EIF4E3: variants seen among roughly 807,000 people sequenced by gnomAD.
EIF4E3 encodes the protein eukaryotic translation initiation factor 4E family member 3.
In EIF4E3, 26 loss-of-function variants were observed where a neutral mutation model predicts 31.7. The ratio of observed to expected loss-of-function variants is 0.82; its 90% CI spans 0.60 to 1.14. The LOEUF (loss-of-function observed/expected upper bound fraction) is 1.14. Ranked by LOEUF, EIF4E3 falls within the 50% of genes most tolerant of loss-of-function variation. The pLI is 0.00. For missense variants in EIF4E3, 304 were observed against 270.9 expected, an observed-to-expected ratio of 1.12 and a Z score of -0.86; for synonymous variants, 128 against 107.7, an observed-to-expected ratio of 1.19 and a Z score of -1.17.
At chr3:71,726,953 C>A (rs1187831446), upstream of EIF4E3, among the ~76,000 whole-genome samples, 1 of 152,198 alleles carries the variant, frequency 6.6e-6, no homozygotes, top group Admixed American at 6.5e-5. Flanking sequence ...CCCGTAATAA[C>A]TCATTTAATC....
chr3:71,686,968 T>C (rs1318204666), intron 6 of EIF4E3, among the ~76,000 whole-genome samples: 2 of 152,216 alleles, frequency 1.3e-5, no homozygotes, highest in Non-Finnish European at 1.5e-5. Context: ...TTTGTCTTTA[T>C]GACCATATGG....
intron 3 of EIF4E3, 55 bp from the exon 4 acceptor site, chr3:71,696,575 C>T: frequency 6.3e-7 from 1 of 1,589,504 alleles, no homozygotes; most frequent in Non-Finnish European, 8.6e-7. Context: ...ATTCTACATA[C>T]AGTTAGATTA....
rs566230915 is a variant in EIF4E3 at position 71,682,395 on chromosome 3, C to G, written c.*2287G>C. 1 of 152,168 alleles carries G rather than the reference C, an allele frequency of 6.6e-6. No homozygotes were observed. The highest frequency in any genetic ancestry group is 2.4e-5 in the African/African-American group (1 of 41,436). 9.4% of individuals were successfully genotyped at this position (152,168 alleles called of 1,614,324 possible). On this transcript the variant is annotated 3_prime_UTR_variant, in exon 7 of 7. Coordinates refer to ENST00000425534, the MANE Select transcript of EIF4E3 (RefSeq NM_001134651.2). Reference sequence around the variant, plus strand: ...TGCCTTAACACAAAAGTCACATGCCCCACAAAATATTTCCTTCTATCTCAA... The same window carrying G: ...TGCCTTAACACAAAAGTCACATGCCGCACAAAATATTTCCTTCTATCTCAA...
intron 1 of EIF4E3, among the ~76,000 whole-genome samples, chr3:71,739,249 A>G (rs1372344586): frequency 2.0e-5 from 3 of 151,674 alleles, no homozygotes; most frequent in African/African-American, 7.3e-5. Flanking sequence ...AGAGAAAAAT[A>G]AAGAGCAGAA....
chr3:71,706,511 GGAGT>G (rs1229236065), intron 2 of EIF4E3, among the ~76,000 whole-genome samples: 3 of 152,090 alleles, frequency 2.0e-5, no homozygotes, highest in Non-Finnish European at 4.4e-5. Context: ...TAGTGCTAAT[GGAGT>G]GAGAGTAAAA....
intron 1 of EIF4E3, among the ~76,000 whole-genome samples, chr3:71,736,899 A>G (rs9822586): frequency 0.69 from 104,712 of 152,088 alleles, 37,151 homozygotes; most frequent in East Asian, 1. Flanking sequence ...CTATGCATAA[A>G]TGAGGATAGG....
chr3:71,712,410 TTTAA>T (rs562603589), intron 1 of EIF4E3, among the ~76,000 whole-genome samples: 18 of 152,274 alleles, frequency 1.2e-4, no homozygotes, highest in Admixed American at 7.8e-4. Context: ...CTTTTTCAGC[TTTAA>T]TTATTTTTTA....
At chr3:71,721,420 C>T (rs2049547151) in intron 1 of EIF4E3, among the ~76,000 whole-genome samples, 1 of 152,094 alleles carries the variant, frequency 6.6e-6, no homozygotes, top group Non-Finnish European at 1.5e-5. Context: ...TGTCAGGATG[C>T]TTGCGCCATT....
At chr3:71,693,059 T>A (rs1184490332) in intron 5 of EIF4E3, among the ~76,000 whole-genome samples, 1 of 152,184 alleles carries the variant, frequency 6.6e-6, no homozygotes, top group African/African-American at 2.4e-5. Context: ...GGACAACTGA[T>A]CATTGTCATT....
chr3:71,663,489 G>A, the EIF4E3 span, among the ~76,000 whole-genome samples: 1 of 152,116 alleles, frequency 6.6e-6, no homozygotes, highest in African/African-American at 2.4e-5. Flanking sequence ...CCATGCAGTC[G>A]GCAAAATGAT....
At chr3:71,710,233 T>TA (rs911228746) in intron 2 of EIF4E3, among the ~76,000 whole-genome samples, 179 bp downstream of exon 2, 8 of 152,312 alleles carry the variant, frequency 5.3e-5, no homozygotes, top group African/African-American at 1.9e-4. Context: ...CCTGACTGTG[T>TA]GCTCAGCTGG....
chr3:71,754,725 G>C, upstream of EIF4E3: 1 of 1,469,914 alleles, frequency 6.8e-7, no homozygotes, highest in Non-Finnish European at 9.0e-7. This position sits in a 1 kb window ranked among gnomAD's most constrained non-coding sequence, Gnocchi z 5.8. Flanking sequence ...CGTCAGCCAC[G>C]ACTGGACCTT....
At chr3:71,713,801 T>C (rs904567413) in intron 1 of EIF4E3, among the ~76,000 whole-genome samples, 2 of 152,106 alleles carry the variant, frequency 1.3e-5, no homozygotes, top group South Asian at 2.1e-4. Context: ...AATATTAAAA[T>C]AGTCTTTCCA....
At chr3:71,720,585 CTG>C (rs2049532658) in intron 1 of EIF4E3, among the ~76,000 whole-genome samples, 1 of 152,322 alleles carries the variant, frequency 6.6e-6, no homozygotes, top group South Asian at 2.1e-4. Context: ...AGAATCCCTA[CTG>C]TCTGGATCAC....
chr3:71,699,729 CTT>C (rs781443257), intron 2 of EIF4E3, 21 bp from the exon 3 acceptor site: 1 of 1,572,656 alleles, frequency 6.4e-7, no homozygotes, highest in Non-Finnish European at 8.7e-7. Flanking sequence ...AAAACAAACA[CTT>C]TGTTTAATAT....
At chr3:71,688,598 G>A (rs1354223704) in intron 6 of EIF4E3, among the ~76,000 whole-genome samples, 2 of 152,098 alleles carry the variant, frequency 1.3e-5, no homozygotes, top group Non-Finnish European at 2.9e-5. Flanking sequence ...TGGTTCAAAG[G>A]TGGGAAAAAA....
chr3:71,734,709 G>A (rs1447912), intron 1 of EIF4E3, among the ~76,000 whole-genome samples: 23,771 of 151,976 alleles, frequency 0.16, 1,927 homozygotes, highest in East Asian at 0.32. Context: ...TGATTATAAC[G>A]TCCAGATGGA....
At chr3:71,751,415 A>G (rs2049928003) in intron 1 of EIF4E3, among the ~76,000 whole-genome samples, 1 of 152,230 alleles carries the variant, frequency 6.6e-6, no homozygotes, top group African/African-American at 2.4e-5. Flanking sequence ...TCGAGAATTT[A>G]GCACAATGCT....
chr3:71,745,008 G>C (rs551387206), intron 1 of EIF4E3, among the ~76,000 whole-genome samples: 28 of 152,178 alleles, frequency 1.8e-4, no homozygotes, highest in Admixed American at 6.5e-4. Context: ...TCTGAGAAAT[G>C]CAGCTGTTTA....
Sources: gnomAD v4.1 joint callset for allele counts (sites outside exome capture counted in the v4.1 genomes callset) on GRCh38, gnomAD v4.1.1 for gene constraint, Gnocchi (gnomAD v3.1) non-coding constraint, MANE v1.5 for transcripts, NCBI Gene and HGNC (gene_info 2026-07-23, HGNC 2026-07-21) for gene names.